STXBP4: variants seen among roughly 807,000 people sequenced by gnomAD.
STXBP4 encodes syntaxin binding protein 4, also known as syntaxin-binding protein 4.
In STXBP4, 55 loss-of-function variants were observed where a neutral mutation model predicts 76.1. That is an observed-to-expected ratio of 0.72 (90% CI 0.58 to 0.91). The LOEUF (loss-of-function observed/expected upper bound fraction) is 0.91, where lower values mean the gene tolerates loss of function less well. Among genes scored for constraint, STXBP4 ranks in the 40% least tolerant of loss-of-function variants. The pLI, the probability that STXBP4 is intolerant of heterozygous loss-of-function variation, is 0.00. For missense variants in STXBP4, 618 were observed against 636.9 expected (o/e 0.97, Z 0.32); for synonymous variants, 201 against 220.2 (o/e 0.91, Z 0.77).
At chr17:55,150,116 G>A (rs886144368) in intron 17 of STXBP4, among the ~76,000 whole-genome samples, 1 of 152,096 alleles carries the variant, frequency 6.6e-6, no homozygotes, top group Non-Finnish European at 1.5e-5. Context: ...CCTTTATTTA[G>A]ATTTACTAAC....
At chr17:55,084,909 T>C (rs1555578538) in intron 16 of STXBP4, among the ~76,000 whole-genome samples, 1 of 152,076 alleles carries the variant, frequency 6.6e-6, no homozygotes, top group Non-Finnish European at 1.5e-5. Context: ...CACATGCACA[T>C]GTATGTTTAT....
chr17:55,047,289 A>G (rs557500100), intron 12 of STXBP4, 135 bp downstream of exon 12: 7 of 489,400 alleles, frequency 1.4e-5, no homozygotes, highest in East Asian at 1.0e-4. Flanking sequence ...CATATTACAT[A>G]ATACAAAATA....
intron 17 of STXBP4, among the ~76,000 whole-genome samples, chr17:55,145,531 C>G (rs887663290): frequency 3.3e-5 from 5 of 152,196 alleles, no homozygotes; most frequent in African/African-American, 1.2e-4. Flanking sequence ...CTAAGAATGT[C>G]CAGATGAACA....
chr17:55,206,084 A>G, the STXBP4 span, among the ~76,000 whole-genome samples: 1 of 152,190 alleles, frequency 6.6e-6, no homozygotes, highest in Non-Finnish European at 1.5e-5. Context: ...TAGTGAGAAA[A>G]GCAAATTATA....
intron 12 of STXBP4, among the ~76,000 whole-genome samples, chr17:55,071,204 C>G (rs2079115289): frequency 6.6e-6 from 1 of 152,154 alleles, no homozygotes; most frequent in Non-Finnish European, 1.5e-5. Flanking sequence ...CATCGATTCT[C>G]TGCCCAAAAC....
At position 55,167,497 on chromosome 17, in the gene STXBP4, C is replaced by A. The variant is rs1166930973; in HGVS notation, c.*7586C>A. ...ATTTTGCTGAAGAAGGAAGTGTATGCTACTTAAGTTGGGCCATAAAACTCA... is the reference window on the plus strand; with the variant it reads ...ATTTTGCTGAAGAAGGAAGTGTATGATACTTAAGTTGGGCCATAAAACTCA... On this transcript the variant is annotated 3_prime_UTR_variant, in exon 18 of 18. Transcript: ENST00000376352. The A allele has an allele frequency of 6.6e-6, 1 of 152,124 alleles. No individual in the cohort carries two copies. The highest frequency in any genetic ancestry group is 6.5e-5 in the Admixed American group (1 of 15,274). The allele number at this position is 152,124 out of a possible 1,614,324, so 9.4% of individuals were successfully genotyped here.
intron 16 of STXBP4, among the ~76,000 whole-genome samples, chr17:55,120,486 G>C (rs910581869): frequency 6.6e-6 from 1 of 152,214 alleles, no homozygotes; most frequent in Non-Finnish European, 1.5e-5. Context: ...AGCATCAGAA[G>C]TCTGAGGTCA....
In STXBP4 at chr17:54,970,027, T is replaced by C. The variant is rs2144241907; in HGVS notation, c.-157+1212T>C. On this transcript the variant is annotated intron_variant, in intron 1 of 17. Transcript: ENST00000376352. ...GACATTTGAGTTTAGATCTGAACGA[T>C]GATAAGGAGCTACCTACTCAATAAC... 1.3e-5 allele frequency among the ~76,000 whole-genome samples: 2 copies of C among 152,268 alleles called. 1 individual carries two copies. The highest frequency in any genetic ancestry group is 4.1e-4 in the South Asian group (2 of 4,824).
At chr17:54,970,897 A>G (rs1297063096) in intron 1 of STXBP4, among the ~76,000 whole-genome samples, 1 of 152,230 alleles carries the variant, frequency 6.6e-6, no homozygotes, top group East Asian at 1.9e-4. Context: ...CTACTTTAAT[A>G]AAAGAAAATA....
chr17:55,058,780 ATC>A (rs1385788884), intron 12 of STXBP4, among the ~76,000 whole-genome samples: 2 of 152,164 alleles, frequency 1.3e-5, no homozygotes. Flanking sequence ...TGAAATTACT[ATC>A]TCAATCTAAA....
chr17:55,018,684 C>T (rs367864193), intron 8 of STXBP4, among the ~76,000 whole-genome samples: 10 of 151,860 alleles, frequency 6.6e-5, no homozygotes, highest in South Asian at 2.1e-4. Context: ...TTGGGATAGG[C>T]GGTGGAGTTA....
At chr17:55,108,638 G>T (rs550058993) in intron 16 of STXBP4, among the ~76,000 whole-genome samples, 1 of 152,148 alleles carries the variant, frequency 6.6e-6, no homozygotes, top group Admixed American at 6.5e-5. Context: ...ACAGTCCCTC[G>T]TGGCTTTCCT....
chr17:55,057,541 T>G (rs2078942678), intron 12 of STXBP4, among the ~76,000 whole-genome samples: 1 of 152,188 alleles, frequency 6.6e-6, no homozygotes, highest in East Asian at 1.9e-4. Flanking sequence ...TGGTTGTTGT[T>G]GTTGTTTCTA....
At chr17:55,142,525 T>C (rs2080105429) in intron 17 of STXBP4, among the ~76,000 whole-genome samples, 1 of 152,200 alleles carries the variant, frequency 6.6e-6, no homozygotes, top group Non-Finnish European at 1.5e-5. Flanking sequence ...GAATATTACC[T>C]ACTTTATAAA....
At position 55,031,241 on chromosome 17, in the gene STXBP4, C is replaced by G; in HGVS notation, c.740C>G (p.Ser247Ter). ...CTGAGACAGCAAGTACAAGCAGACT[C>G]AAAAGGGACAGTGTCTTTTGGAGGT... is the stretch of plus-strand genomic sequence containing the variant. ...QALRQQVQAD[S>*]KGTVSFGDFV... Residue 247 changes from serine (S) to a stop codon, truncating the protein, a stop_gained, in exon 9 of 18, where the codon TCA becomes TGA. Coordinates refer to ENST00000376352, the MANE Select transcript of STXBP4 (RefSeq NM_178509.6). LOFTEE classifies it high-confidence loss of function. 2 of 1,612,924 alleles carry G rather than the reference C, an allele frequency of 1.2e-6. No individual in the cohort carries two copies. Among genetic ancestry groups the G allele is most frequent in the Non-Finnish European group, 8.5e-7 (1 of 1,179,126 alleles).
At chr17:55,081,005 T>C in intron 15 of STXBP4, 45 bp from the exon 16 acceptor site, 2 of 1,359,222 alleles carry the variant, frequency 1.5e-6, no homozygotes, top group Non-Finnish European at 1.9e-6. Flanking sequence ...AGATAGATGT[T>C]GTTTATTGTG....
chr17:55,197,682 G>A, the STXBP4 span, among the ~76,000 whole-genome samples: 3 of 151,936 alleles, frequency 2.0e-5, no homozygotes, highest in Non-Finnish European at 4.4e-5. Context: ...GGCGGAGGTT[G>A]CAGTGAGCCG....
chr17:55,002,283 G>A (rs915728249), intron 7 of STXBP4, among the ~76,000 whole-genome samples: 27 of 152,136 alleles, frequency 1.8e-4, no homozygotes, highest in African/African-American at 6.0e-4. Flanking sequence ...AACTTTTAAA[G>A]TAATTGAACT....
chr17:54,985,596 A>AT lies in STXBP4; in HGVS notation c.-156-11dup, dbSNP rs371694523. The AT allele has an allele frequency of 1.3e-5, 2 of 152,186 alleles. No individual in the cohort carries two copies. The highest frequency in any genetic ancestry group is 2.9e-5 in the Non-Finnish European group (2 of 68,028). The allele number at this position is 152,186 out of a possible 1,614,324, so 9.4% of individuals were successfully genotyped here. A position where few individuals can be genotyped will look rare whatever the true frequency, so the allele number is the denominator to read the frequency against. ...GAACAATATAAGACATTAAAAGCAT[A>AT]TTTTTTTCTCTTCATAGGAAAGCCA... On this transcript the variant is annotated splice_polypyrimidine_tract_variant and intron_variant, in intron 1 of 17. Coordinates refer to ENST00000376352, the MANE Select transcript of STXBP4 (RefSeq NM_178509.6).
Sources: allele counts gnomAD v4.1 joint callset (sites outside exome capture counted in the v4.1 genomes callset), GRCh38; gene constraint gnomAD v4.1.1; transcripts MANE v1.5; gene names NCBI Gene and HGNC (gene_info 2026-07-23, HGNC 2026-07-21).